The following PCDHGA8 variants were observed in gnomAD, a reference collection of about 807,000 sequenced individuals.
PCDHGA8 encodes protocadherin gamma-A8.
A neutral mutation model predicts 59.2 loss-of-function variants in PCDHGA8; 45 were observed. The ratio of observed to expected loss-of-function variants is 0.76; its 90% CI spans 0.60 to 0.98. PCDHGA8 has a LOEUF of 0.98. PCDHGA8 is among the 50% of genes least tolerant of loss of function. The pLI is 0.00. For missense variants in PCDHGA8, 1,257 were observed against 1,196.2 expected (o/e 1.05, Z -0.75); for synonymous variants, 531 against 519.0 (o/e 1.02, Z -0.32).
intron 1 of PCDHGA8, chr5:141,408,641 T>G: frequency 6.2e-7 from 1 of 1,614,034 alleles, no homozygotes; most frequent in Non-Finnish European, 8.5e-7. Context: ...CGAATCTGCA[T>G]CCGCTGGTAC....
chr5:141,499,725 C>T (rs554409998), intron 2 of PCDHGA8, among the ~76,000 whole-genome samples: 3 of 138,474 alleles, frequency 2.2e-5, no homozygotes, highest in African/African-American at 5.4e-5. Context: ...GACAGAGTCT[C>T]ACTCTCTTGC....
chr5:141,477,568 C>G lies in PCDHGA8; in HGVS notation c.2425-17239C>G. 1 of 1,614,172 alleles carries G rather than the reference C, an allele frequency of 6.2e-7. No individual in the cohort carries two copies. Among genetic ancestry groups the G allele is most frequent in the Non-Finnish European group, 8.5e-7 (1 of 1,180,044 alleles). On this transcript the variant is annotated intron_variant, in intron 1 of 3. Coordinates refer to ENST00000398604, the MANE Select transcript of PCDHGA8 (RefSeq NM_032088.2). The surrounding 1 kb of genome is among the most constrained non-coding windows in gnomAD (Gnocchi z 4.9). ...TACTAAACCTAAGTGTCTGGGACCC[C>G]GACGCCCCGCAGAATGCTCGGCTTT...
At position 141,476,455 on chromosome 5, in the gene PCDHGA8, G is replaced by A. The variant is rs572682842; in HGVS notation, c.2425-18352G>A. The A allele has an allele frequency of 1.2e-6, 2 of 1,614,034 alleles. No individual in the cohort carries two copies. The highest frequency in any genetic ancestry group is 2.2e-5 in the South Asian group (2 of 91,084). ...CTGTAACTCTGGAGTTGGTAGTGGA[G>A]AACCCGCTGGAGCTGTTCAGCGTGG... On this transcript the variant is annotated intron_variant, in intron 1 of 3. Coordinates refer to ENST00000398604, the MANE Select transcript of PCDHGA8 (RefSeq NM_032088.2). This position sits in a 1 kb window ranked among gnomAD's most constrained non-coding sequence, Gnocchi z 7.6.
intron 2 of PCDHGA8, among the ~76,000 whole-genome samples, chr5:141,501,184 C>T (rs1209222790): frequency 6.6e-6 from 1 of 152,002 alleles, no homozygotes; most frequent in Non-Finnish European, 1.5e-5. Context: ...CATTTTAACA[C>T]AATTAAATTC....
intron 1 of PCDHGA8, chr5:141,403,631 C>A (rs751580878): frequency 2.5e-6 from 4 of 1,613,912 alleles, no homozygotes; most frequent in Non-Finnish European, 2.5e-6. Flanking sequence ...CAGCACAGTG[C>A]GCATCCATGT....
chr5:141,429,376 T>TG (rs2097206796), intron 1 of PCDHGA8, among the ~76,000 whole-genome samples: 1 of 144,558 alleles, frequency 6.9e-6, no homozygotes, highest in Non-Finnish European at 1.5e-5. Context: ...GGAGAAAATG[T>TG]GTTTTTTTTT....
At chr5:141,425,214 A>G (rs999893857) in intron 1 of PCDHGA8, among the ~76,000 whole-genome samples, 2 of 152,178 alleles carry the variant, frequency 1.3e-5, no homozygotes, top group Non-Finnish European at 2.9e-5. Context: ...AAGGCATTGT[A>G]CTTTGACTGG....
chr5:141,420,075 G>A (rs893749179), intron 1 of PCDHGA8: 17 of 1,613,944 alleles, frequency 1.1e-5, no homozygotes, highest in Admixed American at 6.7e-5. Context: ...GGACCTGTGG[G>A]TCCCCCCAAC....
In PCDHGA8 at chr5:141,418,848, G is replaced by A. The variant is rs770294020; in HGVS notation, c.2424+23611G>A. 20 of 1,613,836 alleles carry A rather than the reference G, an allele frequency of 1.2e-5. No individual in the cohort carries two copies. Among genetic ancestry groups the A allele is most frequent in the South Asian group, 6.6e-5 (6 of 91,080 alleles). ...AAAGACCGAGGATCTCTCTCAACAC[G>A]GTGTAAAGTAATTGTAGAAGTTGTA... On this transcript the variant is annotated intron_variant, in intron 1 of 3. Coordinates refer to ENST00000398604, the MANE Select transcript of PCDHGA8 (RefSeq NM_032088.2).
rs775122106 is a variant in PCDHGA8 at position 141,410,519 on chromosome 5, C to CT, written c.2424+15283dup. On this transcript the variant is annotated intron_variant, in intron 1 of 3. Coordinates refer to ENST00000398604, the MANE Select transcript of PCDHGA8 (RefSeq NM_032088.2). ...TAATTTCCTAAAATGCAGTGTGCCCCTACATTCCAATGAAGACATGGTTTG... is the reference window on the plus strand; with the variant it reads ...TAATTTCCTAAAATGCAGTGTGCCCCTTACATTCCAATGAAGACATGGTTTG... 5.9e-5 allele frequency: 95 copies of CT among 1,613,978 alleles called. 1 individual carries two copies. In the South Asian group the frequency reaches 1.0e-3, roughly 17 times the overall value.
At chr5:141,427,898 C>T in intron 1 of PCDHGA8, 4 of 1,570,874 alleles carry the variant, frequency 2.5e-6, no homozygotes, top group African/African-American at 1.3e-5. Flanking sequence ...AGGGCTCGCC[C>T]GCGCTCAGCG....
chr5:141,478,911 T>TA, intron 1 of PCDHGA8: 1 of 871,162 alleles, frequency 1.1e-6, no homozygotes, highest in Non-Finnish European at 1.7e-6. Flanking sequence ...AGCTGCTGGA[T>TA]ACCTCTAACC....
At chr5:141,434,807 A>G (rs2097718601) in intron 1 of PCDHGA8, among the ~76,000 whole-genome samples, 1 of 152,016 alleles carries the variant, frequency 6.6e-6, no homozygotes, top group South Asian at 2.1e-4. Context: ...AGCTTGGAGA[A>G]ATATATCCCT....
rs866752085 is a variant in PCDHGA8, at chr5:141,424,634, A to G, written c.2424+29397A>G. ...AATAGAGTAGTTTGTGAATATATAA[A>G]TAGATTGAAGGTATTTGGACTTTAA... On this transcript the variant is annotated intron_variant, in intron 1 of 3. Coordinates refer to ENST00000398604, the MANE Select transcript of PCDHGA8 (RefSeq NM_032088.2). 6 of 152,338 alleles carry G rather than the reference A, an allele frequency of 3.9e-5. No individual in the cohort carries two copies. The South Asian group carries it at 1.2e-3, about 32-fold the overall frequency. 9.4% of individuals were successfully genotyped at this position (152,338 alleles called of 1,614,324 possible).
At chr5:141,429,610 T>C (rs2097228693) in intron 1 of PCDHGA8, among the ~76,000 whole-genome samples, 2 of 152,230 alleles carry the variant, frequency 1.3e-5, no homozygotes, top group African/African-American at 4.8e-5. Flanking sequence ...AACTCAATTT[T>C]ATGTCTGATA....
Position 141,485,598 on chromosome 5 carries a change from T to C in PCDHGA8, c.2425-9209T>C, listed in dbSNP as rs931717579. 25 of 1,612,028 alleles carry C rather than the reference T, an allele frequency of 1.6e-5. No individual in the cohort carries two copies. Among genetic ancestry groups the C allele is most frequent in the African/African-American group, 2.7e-5 (2 of 74,838 alleles). ...CCGCGGCAGCAGCTGGACTTGGAAA[T>C]TGGGGAGGCAGCTCCTCCAGGACAG... On this transcript the variant is annotated intron_variant, in intron 1 of 3. Transcript: ENST00000398604. This position sits in a 1 kb window ranked among gnomAD's most constrained non-coding sequence, Gnocchi z 5.7.
rs1176011355 is a variant in PCDHGA8, at chr5:141,485,491, G to C, written c.2425-9316G>C. Reference sequence around the variant, plus strand: ...TCAGTGCCAGCTGCATCGTGCCCCTGGAGTTTGTCACCGAAGGTCCTTTGG... The same window carrying C: ...TCAGTGCCAGCTGCATCGTGCCCCTCGAGTTTGTCACCGAAGGTCCTTTGG... On this transcript the variant is annotated intron_variant, in intron 1 of 3. Coordinates refer to ENST00000398604, the MANE Select transcript of PCDHGA8 (RefSeq NM_032088.2). This position sits in a 1 kb window ranked among gnomAD's most constrained non-coding sequence, Gnocchi z 5.7. 6.2e-7 allele frequency: 1 copy of C among 1,614,142 alleles called. No homozygotes were observed. The highest frequency in any genetic ancestry group is 1.3e-5 in the African/African-American group (1 of 75,018).
chr5:141,478,244 T>C lies in PCDHGA8; in HGVS notation c.2425-16563T>C, dbSNP rs758993366. ...TTCTGTGGGGTTTGTGGTCACAGTG[T>C]TCGGAGTAATCATATTCAAAGTTTA... On this transcript the variant is annotated intron_variant, in intron 1 of 3. Coordinates refer to ENST00000398604, the MANE Select transcript of PCDHGA8 (RefSeq NM_032088.2). 5 of 1,614,132 alleles carry C rather than the reference T, an allele frequency of 3.1e-6. No individual in the cohort carries two copies. In the South Asian group the frequency reaches 4.4e-5, roughly 14 times the overall value.
chr5:141,404,525 T>G, intron 1 of PCDHGA8: 1 of 1,613,796 alleles, frequency 6.2e-7, no homozygotes, highest in South Asian at 1.1e-5. Flanking sequence ...CTATGAGCAG[T>G]TTAGAGATTT....
Sources: allele counts gnomAD v4.1 joint callset (sites outside exome capture counted in the v4.1 genomes callset), GRCh38; gene constraint gnomAD v4.1.1; non-coding constraint Gnocchi (gnomAD v3.1); transcripts MANE v1.5; gene names NCBI Gene and HGNC (gene_info 2026-07-23, HGNC 2026-07-21).